PXK: variants seen among roughly 807,000 people sequenced by gnomAD.
PXK encodes PX domain-containing protein kinase-like protein.
Under a neutral mutation model 84.7 loss-of-function variants are expected in PXK, and 35 were observed. The ratio of observed to expected loss-of-function variants is 0.41; its 90% CI spans 0.32 to 0.55. PXK has a LOEUF of 0.55. Ranked by LOEUF, PXK falls within the 20% of genes least tolerant of loss-of-function variation. The pLI is 0.21. For missense variants in PXK, 634 were observed against 699.7 expected (o/e 0.91, Z 1.06); for synonymous variants, 253 against 260.8 (o/e 0.97, Z 0.29).
intron 1 of PXK, among the ~76,000 whole-genome samples, chr3:58,342,131 A>T (rs930680626): frequency 1.3e-5 from 2 of 152,222 alleles, no homozygotes; most frequent in Non-Finnish European, 2.9e-5. Context: ...CCAAACTCCA[A>T]GAAACAACTA....
chr3:58,363,012 G>A (rs1381199942), intron 1 of PXK, among the ~76,000 whole-genome samples: 1 of 152,052 alleles, frequency 6.6e-6, no homozygotes, highest in Admixed American at 6.6e-5. Flanking sequence ...CGCTGACTTG[G>A]CCCCATCTAC....
chr3:58,366,531 T>C (rs2098274754), intron 2 of PXK, among the ~76,000 whole-genome samples: 1 of 152,110 alleles, frequency 6.6e-6, no homozygotes, highest in Non-Finnish European at 1.5e-5. Flanking sequence ...TTTCCTGTTT[T>C]AGTAATTATA....
At chr3:58,417,012 C>T (rs1370319808) in intron 17 of PXK, among the ~76,000 whole-genome samples, 1 of 152,184 alleles carries the variant, frequency 6.6e-6, no homozygotes, top group Non-Finnish European at 1.5e-5. Flanking sequence ...TCAAGTGATC[C>T]TCCTGCCTCA....
At chr3:58,423,538 A>T in intron 17 of PXK, 1 of 1,535,320 alleles carries the variant, frequency 6.5e-7, no homozygotes, top group South Asian at 1.2e-5. Flanking sequence ...TACCTGTCAC[A>T]CTTGGTGAAA....
intron 2 of PXK, among the ~76,000 whole-genome samples, chr3:58,367,528 AG>A (rs1443773242): frequency 3.3e-5 from 5 of 152,112 alleles, no homozygotes. Flanking sequence ...TACAGATGTG[AG>A]CCACTGTGCC....
At chr3:58,395,473 G>A (rs1439715094) in intron 8 of PXK, among the ~76,000 whole-genome samples, 185 bp from the exon 9 acceptor site, 1 of 152,178 alleles carries the variant, frequency 6.6e-6, no homozygotes, top group African/African-American at 2.4e-5. Context: ...GCTAGAGAAG[G>A]GATGGAACCT....
chr3:58,365,882 T>C lies in PXK; in HGVS notation c.111T>C (p.Ile37=), dbSNP rs745633328. 40 of 1,580,934 alleles carry C rather than the reference T, an allele frequency of 2.5e-5. No homozygotes were observed. The highest frequency in any genetic ancestry group is 3.3e-5 in the Non-Finnish European group (39 of 1,167,550). The part of the protein sequence containing the change: ...SQSLQSHTEY[I]IRVQRGISVE... ...TCCCTTCTCTTTTTAAGGAATATAT[T>C]ATTCGAGTGCAAAGAGGAATTTCTG... Residue 37 remains isoleucine (I), a synonymous_variant, in exon 2 of 18, where the codon ATT becomes ATC. Transcript: ENST00000356151.
In PXK at chr3:58,399,984, C is replaced by T. The variant is rs2058312418; in HGVS notation, c.1181+607C>T. On this transcript the variant is annotated intron_variant, in intron 12 of 17. Transcript: ENST00000356151. This position sits in a 1 kb window ranked among gnomAD's most constrained non-coding sequence, Gnocchi z 4.3. ...GGCAGCTGAAATAGTGCTGTGGGGC[C>T]TTCCCTTCAGGTGCATTTTCTGTTC... Among the ~76,000 whole-genome samples the T allele has an allele frequency of 6.6e-6, 1 of 152,122 alleles. No individual in the cohort carries two copies. The highest frequency in any genetic ancestry group is 1.5e-5 in the Non-Finnish European group (1 of 68,032).
At position 58,399,259 on chromosome 3, in the gene PXK, G is replaced by C. The variant is rs1015216196; in HGVS notation, c.1103-40G>C. 1 of 1,572,260 alleles carries C rather than the reference G, an allele frequency of 6.4e-7. No homozygotes were observed. Among genetic ancestry groups the C allele is most frequent in the Admixed American group, 1.7e-5 (1 of 59,930 alleles). ...TTCATCAGCAAGTGGATTTGCCAGCGTGTTCTGTGGAACTAAAATGTGTAT... is the reference window on the plus strand; with the variant it reads ...TTCATCAGCAAGTGGATTTGCCAGCCTGTTCTGTGGAACTAAAATGTGTAT... On this transcript the variant is annotated intron_variant, in intron 11 of 17. Coordinates refer to ENST00000356151, the MANE Select transcript of PXK (RefSeq NM_017771.5). The surrounding 1 kb of genome is among the most constrained non-coding windows in gnomAD (Gnocchi z 4.3).
intron 12 of PXK, among the ~76,000 whole-genome samples, chr3:58,402,873 TG>T (rs1159594614): frequency 2.6e-5 from 4 of 151,870 alleles, no homozygotes; most frequent in Admixed American, 1.3e-4. Context: ...AAACATGTCA[TG>T]GGGGTTTGTT....
At chr3:58,356,299 A>T (rs1264335087) in intron 1 of PXK, among the ~76,000 whole-genome samples, 3 of 152,132 alleles carry the variant, frequency 2.0e-5, no homozygotes, top group African/African-American at 7.2e-5. Context: ...AGCAGATGGC[A>T]GGGTTTGGTG....
Position 58,411,530 on chromosome 3 carries a change from C to T in PXK, c.1465+1371C>T, listed in dbSNP as rs985601039. Among the ~76,000 whole-genome samples the T allele has an allele frequency of 6.6e-6, 1 of 152,106 alleles. No individual in the cohort carries two copies. Among genetic ancestry groups the T allele is most frequent in the Non-Finnish European group, 1.5e-5 (1 of 68,012 alleles). On this transcript the variant is annotated intron_variant, in intron 16 of 17. Coordinates refer to ENST00000356151, the MANE Select transcript of PXK (RefSeq NM_017771.5). This position sits in a 1 kb window ranked among gnomAD's most constrained non-coding sequence, Gnocchi z 4.2. ...TGGACCGGTCATGGTCATTATTATA[C>T]TGAGACTCATGATTCCAACCAGCAG...
At chr3:58,348,575 A>G (rs1478748319) in intron 1 of PXK, among the ~76,000 whole-genome samples, 2 of 152,230 alleles carry the variant, frequency 1.3e-5, no homozygotes, top group Non-Finnish European at 2.9e-5. Context: ...ATTTAACCCA[A>G]TATATCCAAA....
chr3:58,416,200 G>C lies in PXK; in HGVS notation c.1528+3237G>C, dbSNP rs908270902. Among the ~76,000 whole-genome samples the C allele has an allele frequency of 2.6e-5, 4 of 152,158 alleles. No individual in the cohort carries two copies. Among genetic ancestry groups the C allele is most frequent in the African/African-American group, 9.7e-5 (4 of 41,432 alleles). On this transcript the variant is annotated intron_variant, in intron 17 of 17. Coordinates refer to ENST00000356151, the MANE Select transcript of PXK (RefSeq NM_017771.5). This position sits in a 1 kb window ranked among gnomAD's most constrained non-coding sequence, Gnocchi z 4.8. ...GACATATGTTAAGATCTTATCTTTAGTTTCTATAGGGCAAGGGAACTTCTC... is the reference window on the plus strand; with the variant it reads ...GACATATGTTAAGATCTTATCTTTACTTTCTATAGGGCAAGGGAACTTCTC...
At chr3:58,424,267 T>C (rs1210067575) in intron 17 of PXK, among the ~76,000 whole-genome samples, 2 of 152,160 alleles carry the variant, frequency 1.3e-5, no homozygotes, top group Non-Finnish European at 1.5e-5. Context: ...CCTTCAAACA[T>C]TGTGTATGTT....
chr3:58,341,602 A>C (rs967037149), intron 1 of PXK, among the ~76,000 whole-genome samples: 1 of 152,138 alleles, frequency 6.6e-6, no homozygotes, highest in African/African-American at 2.4e-5. Context: ...TTCACATACC[A>C]TATGAGTCAC....
rs1410852333 is a variant in PXK, at chr3:58,390,476, T to A, written c.389-106T>A. 1.5e-6 allele frequency: 1 copy of A among 652,924 alleles called. No individual in the cohort carries two copies. The highest frequency in any genetic ancestry group is 2.3e-6 in the Non-Finnish European group (1 of 435,794). The allele number at this position is 652,924 out of a possible 1,614,324, so 40.4% of individuals were successfully genotyped here. ...TTTTTTTTTTGGTAATTAAGTTTTT[T>A]AAAAAGGTCATAGACTATAGGGATT... is the stretch of plus-strand genomic sequence containing the variant. On this transcript the variant is annotated intron_variant, in intron 4 of 17. Coordinates refer to ENST00000356151, the MANE Select transcript of PXK (RefSeq NM_017771.5). This position sits in a 1 kb window ranked among gnomAD's most constrained non-coding sequence, Gnocchi z 4.2.
intron 7 of PXK, 59 bp from the exon 8 acceptor site, chr3:58,394,939 A>G (rs2107051619): frequency 1.5e-6 from 2 of 1,306,666 alleles, no homozygotes; most frequent in Non-Finnish European, 2.2e-6. Context: ...CAGATCCTGT[A>G]TTTAAAAGGA....
rs1344810905 is a variant in PXK, at chr3:58,414,167, G to A, written c.1528+1204G>A. The A allele has an allele frequency of 6.6e-6, 1 of 152,174 alleles. No homozygotes were observed. Among genetic ancestry groups the A allele is most frequent in the Non-Finnish European group, 1.5e-5 (1 of 68,032 alleles). 9.4% of individuals were successfully genotyped at this position (152,174 alleles called of 1,614,324 possible). A position where few individuals can be genotyped will look rare whatever the true frequency, so the allele number is the denominator to read the frequency against. ...TACACTGTTTAGGCTGATCAGAAAT[G>A]TCTGGTGATCTACTGCCCGGACTAT... On this transcript the variant is annotated intron_variant, in intron 17 of 17. Coordinates refer to ENST00000356151, the MANE Select transcript of PXK (RefSeq NM_017771.5). The surrounding 1 kb of genome is among the most constrained non-coding windows in gnomAD (Gnocchi z 4.5).
Sources: gnomAD v4.1 joint callset for allele counts (sites outside exome capture counted in the v4.1 genomes callset) on GRCh38, gnomAD v4.1.1 for gene constraint, Gnocchi (gnomAD v3.1) non-coding constraint, MANE v1.5 for transcripts, NCBI Gene and HGNC (gene_info 2026-07-23, HGNC 2026-07-21) for gene names.